Variants in ELSPBP1 observed in about 807,000 individuals in gnomAD.
ELSPBP1 encodes the protein epididymal sperm binding protein 1.
ELSPBP1 carries 38 observed loss-of-function variants against 33.3 expected under a neutral mutation model. The ratio of observed to expected loss-of-function variants is 1.14; its 90% CI spans 0.88 to 1.50. ELSPBP1 has a LOEUF of 1.50. Ranked by LOEUF, ELSPBP1 falls within the 40% of genes most tolerant of loss-of-function variation. The pLI is 0.00. For missense variants in ELSPBP1, 267 were observed against 263.5 expected (o/e 1.01, Z -0.09); for synonymous variants, 85 against 94.1 (o/e 0.90, Z 0.56).
intron 1 of ELSPBP1, among the ~76,000 whole-genome samples, chr19:48,006,651 A>AAG (rs1780645093): frequency 6.6e-6 from 1 of 150,654 alleles, no homozygotes; most frequent in South Asian, 2.1e-4. Flanking sequence ...AAAAAAAGAA[A>AAG]AGAAAAAGAA....
chr19:48,010,029 G>A (rs2122309477), intron 2 of ELSPBP1, among the ~76,000 whole-genome samples: 1 of 152,286 alleles, frequency 6.6e-6, no homozygotes, highest in African/African-American at 2.4e-5. Context: ...GACAGGAAGT[G>A]ACATTCATCC....
chr19:48,019,496 C>T (rs1358151925), intron 4 of ELSPBP1, among the ~76,000 whole-genome samples: 3 of 152,094 alleles, frequency 2.0e-5, no homozygotes, highest in South Asian at 2.1e-4. Context: ...ACCGCAGAAC[C>T]GTGAAGTCGT....
At chr19:48,008,523 C>A (rs1967045085) in intron 1 of ELSPBP1, 128 bp from the exon 2 acceptor site, 2 of 652,192 alleles carry the variant, frequency 3.1e-6, no homozygotes, top group East Asian at 5.6e-5. Flanking sequence ...TGTGAGCTAC[C>A]ATGCCTGGTC....
chr19:48,006,469 C>G (rs961489438), intron 1 of ELSPBP1, among the ~76,000 whole-genome samples: 3 of 151,544 alleles, frequency 2.0e-5, no homozygotes, highest in African/African-American at 7.3e-5. Flanking sequence ...CAGAAATTAG[C>G]CAGGCGTGGT....
intron 1 of ELSPBP1, among the ~76,000 whole-genome samples, chr19:48,004,463 T>C (rs10412317): frequency 0.54 from 82,100 of 152,020 alleles, 22,560 homozygotes; most frequent in African/African-American, 0.57. Flanking sequence ...AGCCTGGGCC[T>C]TAGCCATGCG....
At chr19:47,999,422 T>C (rs1336779094) in intron 1 of ELSPBP1, among the ~76,000 whole-genome samples, 1 of 141,862 alleles carries the variant, frequency 7.0e-6, no homozygotes, top group Non-Finnish European at 1.5e-5. Context: ...AGAGTCTCGC[T>C]CTGCCACCCA....
intron 1 of ELSPBP1, among the ~76,000 whole-genome samples, chr19:47,999,436 T>C (rs1409005888): frequency 6.9e-6 from 1 of 145,648 alleles, no homozygotes; most frequent in Admixed American, 7.1e-5. Context: ...CCACCCAGGC[T>C]GGAATGCAGT....
In ELSPBP1 at chr19:48,014,171, G is replaced by T. The variant is rs766398774; in HGVS notation, c.71G>T (p.Gly24Val). Residue 24 changes from glycine to valine, a missense_variant and splice_region_variant, in exon 3 of 7, where the codon GGG (glycine) becomes GTG (valine). By Grantham distance (109) the Gly-to-Val change is moderately radical. Transcript: ENST00000339841. ...FLLYSYESSGGMHEECVFPFT... is the reference protein window; with the variant it reads ...FLLYSYESSGVMHEECVFPFT... ...CCTGTTTTCTCCTTCTGCCCTTCAG[G>T]GATGCATGAGGAATGTGTCTTTCCT... 7 of 1,612,566 alleles carry T rather than the reference G, an allele frequency of 4.3e-6. No homozygotes were observed. In the African/African-American group the frequency reaches 9.4e-5, roughly 22 times the overall value.
chr19:48,014,972 T>C (rs976944895), intron 3 of ELSPBP1, among the ~76,000 whole-genome samples: 1 of 152,256 alleles, frequency 6.6e-6, no homozygotes. Context: ...GAAACGGGAT[T>C]TGAGGCTGGG....
At chr19:48,021,845 C>T (rs1386496576) in intron 5 of ELSPBP1, among the ~76,000 whole-genome samples, 1 of 152,122 alleles carries the variant, frequency 6.6e-6, no homozygotes, top group Non-Finnish European at 1.5e-5. Flanking sequence ...CTCCCAGGCT[C>T]CAGCAATCCT....
At chr19:47,996,868 C>T (rs906955182) in intron 1 of ELSPBP1, among the ~76,000 whole-genome samples, 14 of 152,294 alleles carry the variant, frequency 9.2e-5, no homozygotes, top group South Asian at 4.2e-4. Context: ...TACTGCCGGT[C>T]TAGCATGGTG....
intron 1 of ELSPBP1, among the ~76,000 whole-genome samples, chr19:47,996,442 G>A (rs1249770683): frequency 6.6e-6 from 1 of 152,132 alleles, no homozygotes; most frequent in African/African-American, 2.4e-5. Flanking sequence ...AAGGATAAAT[G>A]AATGGACAGA....
chr19:48,013,470 A>T (rs1180056579), intron 2 of ELSPBP1, among the ~76,000 whole-genome samples: 1 of 152,174 alleles, frequency 6.6e-6, no homozygotes. Context: ...TAATCCCAGC[A>T]CTGTGGGAGG....
intron 1 of ELSPBP1, among the ~76,000 whole-genome samples, chr19:48,006,351 C>G (rs1030727602): frequency 6.6e-6 from 1 of 152,052 alleles, no homozygotes; most frequent in African/African-American, 2.4e-5. Context: ...CAGTGGCTCA[C>G]GCCTGTAACA....
At chr19:48,016,558 T>C (rs1967143737) in intron 4 of ELSPBP1, among the ~76,000 whole-genome samples, 1 of 102,872 alleles carries the variant, frequency 9.7e-6, no homozygotes, top group African/African-American at 3.7e-5. Context: ...CTTCCTTCCT[T>C]CCTTCCTTCC....
intron 1 of ELSPBP1, among the ~76,000 whole-genome samples, chr19:47,996,559 TG>T (rs1966914324): frequency 6.6e-6 from 1 of 151,704 alleles, no homozygotes; most frequent in Non-Finnish European, 1.5e-5. Flanking sequence ...AATTGATGGA[TG>T]GATGTATGGA....
intron 1 of ELSPBP1, among the ~76,000 whole-genome samples, chr19:47,997,685 T>C (rs1217764830): frequency 6.6e-6 from 1 of 152,128 alleles, no homozygotes; most frequent in Non-Finnish European, 1.5e-5. Context: ...CCTCCCAAAG[T>C]GCTGGGATTA....
intron 5 of ELSPBP1, among the ~76,000 whole-genome samples, chr19:48,021,680 C>A (rs1327685000): frequency 6.6e-6 from 1 of 151,994 alleles, no homozygotes; most frequent in Non-Finnish European, 1.5e-5. Context: ...AAACTCCTGA[C>A]CTCAAGTCAT....
At position 48,020,844 on chromosome 19, in the gene ELSPBP1, G is replaced by T. The variant is rs73941492; in HGVS notation, c.514+967G>T. Among the ~76,000 whole-genome samples, 374 of 152,324 alleles carry T rather than the reference G, an allele frequency of 2.5e-3. 1 individual carries two copies. The highest frequency in any genetic ancestry group is 8.7e-3 in the African/African-American group (361 of 41,582). On this transcript the variant is annotated intron_variant, in intron 5 of 6. Transcript: ENST00000339841. Reference sequence around the variant, plus strand: ...GTGGAAAGGAAAGGGAAGTCCTTGGGCAAAGAGGAACTAGAAGGAGTTATA... The same window carrying T: ...GTGGAAAGGAAAGGGAAGTCCTTGGTCAAAGAGGAACTAGAAGGAGTTATA...
Sources: allele counts gnomAD v4.1 joint callset (sites outside exome capture counted in the v4.1 genomes callset), GRCh38; gene constraint gnomAD v4.1.1; transcripts MANE v1.5; gene names NCBI Gene and HGNC (gene_info 2026-07-23, HGNC 2026-07-21).